Variants in PTPN12 observed in about 807,000 individuals in gnomAD.
PTPN12 encodes protein tyrosine phosphatase non-receptor type 12.
Under a neutral mutation model 97.6 loss-of-function variants are expected in PTPN12, and 29 were observed. The observed-to-expected ratio is 0.30, with a 90% CI of 0.22 to 0.41. The LOEUF (loss-of-function observed/expected upper bound fraction) is 0.41. Ranked by LOEUF, PTPN12 falls within the 10% of genes least tolerant of loss-of-function variation. PTPN12 has a pLI of 1.00. For missense variants in PTPN12, 819 were observed against 926.0 expected (o/e 0.88, Z 1.50); for synonymous variants, 327 against 300.4 (o/e 1.09, Z -0.91).
At chr7:77,592,042 C>G in intron 5 of PTPN12, 143 bp from the exon 6 acceptor site, 1 of 677,992 alleles carries the variant, frequency 1.5e-6, no homozygotes, top group Non-Finnish European at 2.5e-6. Context: ...TAAATCTAAG[C>G]TCTCTCAGCT....
chr7:77,574,557 A>G (rs1035747300), intron 2 of PTPN12, among the ~76,000 whole-genome samples: 38 of 152,142 alleles, frequency 2.5e-4, no homozygotes, highest in African/African-American at 8.0e-4. Flanking sequence ...GGTTGTCACA[A>G]CTGGGGTATG....
chr7:77,591,199 C>T (rs1562733572), intron 5 of PTPN12, among the ~76,000 whole-genome samples: 1 of 152,164 alleles, frequency 6.6e-6, no homozygotes, highest in Non-Finnish European at 1.5e-5. Flanking sequence ...ACTTATAGTT[C>T]ATTCAGCCTA....
chr7:77,558,406 C>T (rs897772769), intron 1 of PTPN12, among the ~76,000 whole-genome samples: 49 of 152,068 alleles, frequency 3.2e-4, no homozygotes, highest in African/African-American at 1.1e-3. Flanking sequence ...GGGATCTTTC[C>T]GTAAAAATAC....
rs1788411174 is a variant in PTPN12, at chr7:77,607,455, G to A, written c.762+154G>A. 1.2e-5 allele frequency: 7 copies of A among 567,038 alleles called. 1 individual carries two copies. Among genetic ancestry groups the A allele is most frequent in the Admixed American group, 3.2e-5 (1 of 30,998 alleles). The allele number at this position is 567,038 out of a possible 1,614,324, so 35.1% of individuals were successfully genotyped here. A position where few individuals can be genotyped will look rare whatever the true frequency, so the allele number is the denominator to read the frequency against. Reference sequence around the variant, plus strand: ...GTAAGAAATAAAGGTAGTGAAGGCCGGGCACAGTGGCTTACGCCTGTAATC... The same window carrying A: ...GTAAGAAATAAAGGTAGTGAAGGCCAGGCACAGTGGCTTACGCCTGTAATC... On this transcript the variant is annotated intron_variant, in intron 9 of 17. Coordinates refer to ENST00000248594, the MANE Select transcript of PTPN12 (RefSeq NM_002835.4).
chr7:77,577,114 A>G (rs760536806), intron 2 of PTPN12, among the ~76,000 whole-genome samples: 5 of 152,198 alleles, frequency 3.3e-5, no homozygotes, highest in Non-Finnish European at 5.9e-5. Flanking sequence ...CTCTATGGTC[A>G]AGTGAGTGAG....
chr7:77,603,747 CTTTT>C (rs1562741883), intron 8 of PTPN12, among the ~76,000 whole-genome samples: 1 of 152,114 alleles, frequency 6.6e-6, no homozygotes, highest in African/African-American at 2.4e-5. Context: ...AGGACATAAA[CTTTT>C]AAAGTATTTT....
At chr7:77,564,796 G>T (rs10229527) in intron 1 of PTPN12, among the ~76,000 whole-genome samples, 85,334 of 118,804 alleles carry the variant, frequency 0.72, 31,442 homozygotes, top group East Asian at 0.91. Context: ...TCTCGCCCTT[G>T]TGCCAGGCTG....
chr7:77,542,564 C>T (rs1280888973), intron 1 of PTPN12, among the ~76,000 whole-genome samples: 1 of 152,126 alleles, frequency 6.6e-6, no homozygotes, highest in Non-Finnish European at 1.5e-5. Flanking sequence ...GTATACAACA[C>T]ATCTGATAAG....
At chr7:77,558,025 A>G (rs1202166549) in intron 1 of PTPN12, among the ~76,000 whole-genome samples, 1 of 152,036 alleles carries the variant, frequency 6.6e-6, no homozygotes, top group Non-Finnish European at 1.5e-5. Context: ...AGCCTGGCCA[A>G]CATGGCGAAA....
chr7:77,612,500 G>A (rs1788604088), intron 11 of PTPN12, among the ~76,000 whole-genome samples: 1 of 152,148 alleles, frequency 6.6e-6, no homozygotes. Context: ...GTGCAATGGT[G>A]CAATCTTGGC....
intron 13 of PTPN12, 60 bp from the exon 14 acceptor site, chr7:77,632,288 C>T: frequency 8.1e-7 from 1 of 1,232,224 alleles, no homozygotes; most frequent in Non-Finnish European, 1.2e-6. Context: ...GTCAAGAAAG[C>T]TCTCTGATTT....
At chr7:77,621,493 AC>A (rs1179998674) in intron 12 of PTPN12, among the ~76,000 whole-genome samples, 5 of 152,020 alleles carry the variant, frequency 3.3e-5, no homozygotes, top group African/African-American at 1.2e-4. Flanking sequence ...CCATAGCGAA[AC>A]CCTGTGTCTC....
chr7:77,634,116 C>T (rs1158709390), intron 14 of PTPN12, among the ~76,000 whole-genome samples: 2 of 151,938 alleles, frequency 1.3e-5, no homozygotes, highest in Admixed American at 1.3e-4. Context: ...AGAAGGATTG[C>T]TTGATCCCTG....
chr7:77,582,676 C>T lies in PTPN12; in HGVS notation c.286-879C>T, dbSNP rs1018439377. Among the ~76,000 whole-genome samples, 7 of 151,156 alleles carry T rather than the reference C, an allele frequency of 4.6e-5. No individual in the cohort carries two copies. The South Asian group carries it at 6.3e-4, about 14-fold the overall frequency. On this transcript the variant is annotated intron_variant, in intron 3 of 17. Coordinates refer to ENST00000248594, the MANE Select transcript of PTPN12 (RefSeq NM_002835.4). ...GTGCATGCCTGTAATACCAGCTTCT[C>T]GGGAGACTGAGGCAGGAGAATCGCC... is the stretch of plus-strand genomic sequence containing the variant.
At chr7:77,569,040 C>T (rs1371528610) in intron 1 of PTPN12, among the ~76,000 whole-genome samples, 1 of 152,072 alleles carries the variant, frequency 6.6e-6, no homozygotes, top group Non-Finnish European at 1.5e-5. Flanking sequence ...TTTTTATTTA[C>T]GTTCAATTTT....
At chr7:77,563,750 A>C (rs1584113487) in intron 1 of PTPN12, among the ~76,000 whole-genome samples, 1 of 152,190 alleles carries the variant, frequency 6.6e-6, no homozygotes, top group East Asian at 1.9e-4. Flanking sequence ...AAGGGAGAGA[A>C]TTAGTCTGTT....
intron 1 of PTPN12, chr7:77,537,978 CG>C (rs34251983): frequency 0.32 from 245,011 of 757,240 alleles, 24,189 homozygotes; most frequent in East Asian, 0.72. Flanking sequence ...AGGTGCAGGC[CG>C]GGGGGGGGGG....
intron 1 of PTPN12, among the ~76,000 whole-genome samples, chr7:77,558,773 A>G (rs1807847665): frequency 6.6e-6 from 1 of 152,180 alleles, no homozygotes; most frequent in South Asian, 2.1e-4. Flanking sequence ...GTGTAATCTC[A>G]GTGCTTTGGG....
intron 14 of PTPN12, 81 bp from the exon 15 acceptor site, chr7:77,635,701 A>G (rs1789563944): frequency 2.5e-6 from 2 of 793,608 alleles, no homozygotes; most frequent in Admixed American, 3.8e-5. Flanking sequence ...AATCTTTAGG[A>G]TCTGTTTTTT....
Sources: gnomAD v4.1 joint callset for allele counts (sites outside exome capture counted in the v4.1 genomes callset) on GRCh38, gnomAD v4.1.1 for gene constraint, MANE v1.5 for transcripts, NCBI Gene and HGNC (gene_info 2026-07-23, HGNC 2026-07-21) for gene names.